The following HGD variants were observed in gnomAD, a reference collection of about 807,000 sequenced individuals.
HGD encodes the protein homogentisate 1,2-dioxygenase.
In HGD, 61 loss-of-function variants were observed where a neutral mutation model predicts 60.8. The ratio of observed to expected loss-of-function variants is 1.00; its 90% CI spans 0.82 to 1.24. The LOEUF (loss-of-function observed/expected upper bound fraction) is 1.24, where lower values mean the gene tolerates loss of function less well. Among genes scored for constraint, HGD ranks in the 50% most tolerant of loss-of-function variants. The pLI, the probability that HGD is intolerant of heterozygous loss-of-function variation, is 0.00. For synonymous variants in HGD, 212 were observed against 187.7 expected (o/e 1.13, Z -1.06); for missense variants, 542 against 547.1 (o/e 0.99, Z 0.09).
chr3:120,658,567 T>C (rs1941569034), intron 4 of HGD, among the ~76,000 whole-genome samples: 1 of 152,174 alleles, frequency 6.6e-6, no homozygotes, highest in Non-Finnish European at 1.5e-5. Context: ...CACGGTGCAA[T>C]CTGTGGATGG....
chr3:120,677,238 G>A (rs557949818), intron 1 of HGD, among the ~76,000 whole-genome samples: 7 of 152,186 alleles, frequency 4.6e-5, no homozygotes, highest in Admixed American at 2.6e-4. Context: ...ATTGTTCAGG[G>A]AATAAGAGAG....
At chr3:120,662,408 G>A (rs1043253189) in intron 4 of HGD, among the ~76,000 whole-genome samples, 1 of 152,114 alleles carries the variant, frequency 6.6e-6, no homozygotes, top group Non-Finnish European at 1.5e-5. Flanking sequence ...GATCCTGAAA[G>A]CACACTCTAC....
At chr3:120,642,290 C>T (rs562082050) in intron 10 of HGD, among the ~76,000 whole-genome samples, 25 of 152,134 alleles carry the variant, frequency 1.6e-4, no homozygotes, top group Non-Finnish European at 3.1e-4. Flanking sequence ...TCTATGGGTC[C>T]GAAAGTGCTA....
At chr3:120,671,205 A>T (rs915176800) in intron 3 of HGD, among the ~76,000 whole-genome samples, 10 of 152,166 alleles carry the variant, frequency 6.6e-5, no homozygotes, top group African/African-American at 2.4e-4. Context: ...AAATTATCAG[A>T]TCATTTTAAC....
chr3:120,680,525 A>G (rs1708212798), intron 1 of HGD, among the ~76,000 whole-genome samples: 1 of 152,244 alleles, frequency 6.6e-6, no homozygotes, highest in Admixed American at 6.5e-5. Flanking sequence ...TTTACATAAA[A>G]TTTATTTATA....
intron 1 of HGD, among the ~76,000 whole-genome samples, chr3:120,680,793 G>C (rs1708217460): frequency 6.6e-6 from 1 of 152,134 alleles, no homozygotes; most frequent in Admixed American, 6.5e-5. Flanking sequence ...GAGCATGCAG[G>C]CATTCTGTAT....
At position 120,644,455 on chromosome 3, in the gene HGD, T is replaced by C; in HGVS notation, c.650-12A>G. ...CAAGCCATTGGCCCCTAGAAAACAG[T>C]AACCCAAAAGTCTTTTAGAAACTTC... is the stretch of plus-strand genomic sequence containing the variant. On this transcript the variant is annotated splice_polypyrimidine_tract_variant and intron_variant, in intron 9 of 13. Transcript: ENST00000283871. 6.2e-7 allele frequency: 1 copy of C among 1,614,024 alleles called. No individual in the cohort carries two copies. Among genetic ancestry groups the C allele is most frequent in the Non-Finnish European group, 8.5e-7 (1 of 1,179,988 alleles).
rs1442481172 is a variant in HGD, at chr3:120,633,738, C to A, written c.1007-410G>T. ...CATAACCCTTTCCCAAGTAGCTCCA[C>A]TGTAGGACACAGCAACAGCATATTT... is the stretch of plus-strand genomic sequence containing the variant. On this transcript the variant is annotated intron_variant, in intron 12 of 13. Transcript: ENST00000283871. 6.0e-6 allele frequency: 3 copies of A among 499,420 alleles called. No homozygotes were observed. The African/African-American group carries it at 6.0e-5, about 10-fold the overall frequency. 30.9% of individuals were successfully genotyped at this position (499,420 alleles called of 1,614,324 possible).
chr3:120,633,376 G>C lies in HGD; in HGVS notation c.1007-48C>G. 3 of 1,613,824 alleles carry C rather than the reference G, an allele frequency of 1.9e-6. No individual in the cohort carries two copies. The East Asian group carries it at 6.7e-5, about 36-fold the overall frequency. On this transcript the variant is annotated intron_variant, in intron 12 of 13. Coordinates refer to ENST00000283871, the MANE Select transcript of HGD (RefSeq NM_000187.4). ...ATTTTTATTATCCAAGGCAAGACCAGTAAAACACAAAGCCCCTTAAACATT... is the reference window on the plus strand; with the variant it reads ...ATTTTTATTATCCAAGGCAAGACCACTAAAACACAAAGCCCCTTAAACATT...
chr3:120,662,277 C>CG (rs1707789168), intron 4 of HGD, among the ~76,000 whole-genome samples: 1 of 151,638 alleles, frequency 6.6e-6, no homozygotes, highest in East Asian at 1.9e-4. Context: ...TCTGGCAGCA[C>CG]GGTGTGGGAT....
chr3:120,647,945 GT>G (rs1370731529), intron 6 of HGD, 34 bp from the exon 7 acceptor site: 2 of 1,533,062 alleles, frequency 1.3e-6, no homozygotes, highest in Admixed American at 3.3e-5. Flanking sequence ...GTGATTTTCA[GT>G]TTTAACATTG....
chr3:120,641,753 C>T, intron 10 of HGD, 60 bp from the exon 11 acceptor site: 3 of 1,047,138 alleles, frequency 2.9e-6, no homozygotes, highest in Non-Finnish European at 1.5e-6. Flanking sequence ...AGCTGTGATC[C>T]CACAATATGT....
intron 4 of HGD, among the ~76,000 whole-genome samples, chr3:120,669,040 A>G (rs1299800543): frequency 1.3e-5 from 2 of 152,210 alleles, no homozygotes. Context: ...AACGATAATT[A>G]GAGAAAACGC....
At chr3:120,649,139 CTTTTTTTT>C (rs10572267) in intron 6 of HGD, among the ~76,000 whole-genome samples, 5 of 94,426 alleles carry the variant, frequency 5.3e-5, no homozygotes, top group South Asian at 8.6e-4. Context: ...TCTTCTTTTT[CTTTTTTTT>C]TTTTTTTTTT....
At chr3:120,644,512 G>T in intron 9 of HGD, 69 bp from the exon 10 acceptor site, 1 of 1,609,656 alleles carries the variant, frequency 6.2e-7, no homozygotes, top group Non-Finnish European at 8.5e-7. Context: ...ATGGTTGCAT[G>T]AAGAGAAAGG....
chr3:120,655,843 T>G (rs1313730261), intron 4 of HGD, among the ~76,000 whole-genome samples: 1 of 152,222 alleles, frequency 6.6e-6, no homozygotes, highest in African/African-American at 2.4e-5. Flanking sequence ...CAAATTTTGT[T>G]TTTTTCTTAC....
At chr3:120,630,241 C>T (rs895336970) in intron 13 of HGD, among the ~76,000 whole-genome samples, 1 of 152,050 alleles carries the variant, frequency 6.6e-6, no homozygotes, top group Non-Finnish European at 1.5e-5. Flanking sequence ...ATCAAAATAC[C>T]AACGACATTC....
chr3:120,659,921 T>C (rs1380574574), intron 4 of HGD, among the ~76,000 whole-genome samples: 2 of 137,118 alleles, frequency 1.5e-5, no homozygotes, highest in African/African-American at 2.6e-5. Flanking sequence ...TCTCATATGA[T>C]GGGAGCAGGA....
At chr3:120,679,440 C>T (rs1029527490) in intron 1 of HGD, among the ~76,000 whole-genome samples, 3 of 152,134 alleles carry the variant, frequency 2.0e-5, no homozygotes, top group African/African-American at 7.2e-5. Flanking sequence ...GGAACTTGCA[C>T]ATTATCGCAG....
Sources: allele counts gnomAD v4.1 joint callset (sites outside exome capture counted in the v4.1 genomes callset), GRCh38; gene constraint gnomAD v4.1.1; transcripts MANE v1.5; gene names NCBI Gene and HGNC (gene_info 2026-07-23, HGNC 2026-07-21).